MAP1B: variants seen among roughly 807,000 people sequenced by gnomAD.
The protein encoded by MAP1B is microtubule-associated protein 1B.
In MAP1B, 12 loss-of-function variants were observed where a neutral mutation model predicts 176.1. The observed-to-expected ratio is 0.07, with a 90% CI of 0.04 to 0.11. The LOEUF is 0.11. MAP1B is among the 10% of genes least tolerant of loss of function. MAP1B has a pLI of 1.00. For synonymous variants in MAP1B, 1,044 were observed against 1,135.0 expected (o/e 0.92, Z 1.61); for missense variants, 2,523 against 2,990.5 (o/e 0.84, Z 3.65).
chr5:72,164,266 T>C (rs1349072005), intron 2 of MAP1B, among the ~76,000 whole-genome samples: 2 of 152,128 alleles, frequency 1.3e-5, no homozygotes, highest in Admixed American at 6.6e-5. Context: ...CATCATTTCA[T>C]CCCAGAGACC....
chr5:72,154,002 T>C (rs1279394739), intron 2 of MAP1B, among the ~76,000 whole-genome samples: 3 of 152,202 alleles, frequency 2.0e-5, no homozygotes, highest in Non-Finnish European at 2.9e-5. Context: ...GAGGCAGTTC[T>C]TCATTAAAAT....
Position 72,199,400 on chromosome 5 carries a change from C to T in MAP1B, c.6045C>T (p.Thr2015=), listed in dbSNP as rs1249930794. The change falls in exon 5 of 7, where the codon ACC becomes ACT. Residue 2015 remains threonine (T), a synonymous_variant. Transcript: ENST00000296755. This position sits in a 1 kb window ranked among gnomAD's most constrained non-coding sequence, Gnocchi z 4.2. ...SYSYETTEKI[T]SFPESEGYSY... ...CTTATGAAACCACTGAGAAAATTACCAGTTTCCCTGAGTCTGAAGGTTATT... is the reference window on the plus strand; with the variant it reads ...CTTATGAAACCACTGAGAAAATTACTAGTTTCCCTGAGTCTGAAGGTTATT... 2 of 1,614,150 alleles carry T rather than the reference C, an allele frequency of 1.2e-6. No homozygotes were observed. The highest frequency in any genetic ancestry group is 1.7e-6 in the Non-Finnish European group (2 of 1,180,028).
intron 2 of MAP1B, among the ~76,000 whole-genome samples, chr5:72,150,442 T>G (rs1746120598): frequency 6.6e-6 from 1 of 152,248 alleles, no homozygotes; most frequent in African/African-American, 2.4e-5. Context: ...AGGGATAACT[T>G]AAGCCCAGAG....
chr5:72,128,983 T>C (rs1745677015), intron 2 of MAP1B, among the ~76,000 whole-genome samples: 1 of 152,134 alleles, frequency 6.6e-6, no homozygotes, highest in Admixed American at 6.5e-5. Flanking sequence ...GACAATTGCC[T>C]TCTCTGTTGC....
At chr5:72,144,455 G>A (rs1206781244) in intron 2 of MAP1B, among the ~76,000 whole-genome samples, 1 of 152,082 alleles carries the variant, frequency 6.6e-6, no homozygotes, top group East Asian at 1.9e-4. Flanking sequence ...GTGCAGGGAT[G>A]CGATCATGGC....
rs79803399 is a variant in MAP1B, at chr5:72,116,309, A to G, written c.286+510A>G. On this transcript the variant is annotated intron_variant, in intron 2 of 6. Transcript: ENST00000296755. ...TACTGCATTTCAAAATGAAATATACATCATCATTTCATAATTGCATTATCA... is the reference window on the plus strand; with the variant it reads ...TACTGCATTTCAAAATGAAATATACGTCATCATTTCATAATTGCATTATCA... The G allele has an allele frequency of 6.1e-3, 1,859 of 304,946 alleles. 32 individuals are homozygous for G. The highest frequency in any genetic ancestry group is 0.038 in the African/African-American group (1,703 of 44,462). 18.9% of individuals were successfully genotyped at this position (304,946 alleles called of 1,614,324 possible). A position where few individuals can be genotyped will look rare whatever the true frequency, so the allele number is the denominator to read the frequency against.
At chr5:72,137,691 G>C (rs1745861322) in intron 2 of MAP1B, among the ~76,000 whole-genome samples, 1 of 152,182 alleles carries the variant, frequency 6.6e-6, no homozygotes, top group South Asian at 2.1e-4. Context: ...CCTATGCCCA[G>C]AATTGACAAC....
At chr5:72,108,296 C>G (rs530121612) in intron 1 of MAP1B, among the ~76,000 whole-genome samples, 5 of 152,386 alleles carry the variant, frequency 3.3e-5, no homozygotes, top group East Asian at 1.9e-4. Context: ...CCCCGCCCCC[C>G]CCTCCCCGGG....
At chr5:72,153,120 C>T (rs1276274536) in intron 2 of MAP1B, among the ~76,000 whole-genome samples, 1 of 152,206 alleles carries the variant, frequency 6.6e-6, no homozygotes, top group Non-Finnish European at 1.5e-5. Context: ...TTTGCCGAGC[C>T]ACCTCGTGTT....
chr5:72,152,809 T>C (rs1746166111), intron 2 of MAP1B, among the ~76,000 whole-genome samples: 1 of 152,156 alleles, frequency 6.6e-6, no homozygotes, highest in African/African-American at 2.4e-5. Context: ...AGAAGTACTG[T>C]TGTGAGTGAG....
rs1035602401 is a variant in MAP1B at position 72,197,249 on chromosome 5, T to G, written c.3894T>G (p.Ser1298=). 1.9e-6 allele frequency: 3 copies of G among 1,614,200 alleles called. No homozygotes were observed. In the Admixed American group the frequency reaches 5.0e-5, roughly 27 times the overall value. Residue 1298 remains serine (S), a synonymous_variant, in exon 5 of 7, where the codon TCT becomes TCG. Coordinates refer to ENST00000296755, the MANE Select transcript of MAP1B (RefSeq NM_005909.5). ...CAGAGGCAGAAGTAGCCCCGGTGTC[T>G]CCTGAGGTGACCCAAGAAGTAGTTG... is the stretch of plus-strand genomic sequence containing the variant. ...VSAEAEVAPV[S]PEVTQEVVEE... is the part of the protein sequence containing the mutation.
chr5:72,164,514 T>C (rs1164003675), intron 2 of MAP1B, among the ~76,000 whole-genome samples: 3 of 152,202 alleles, frequency 2.0e-5, no homozygotes, highest in Non-Finnish European at 1.5e-5. Flanking sequence ...GATGATGGGC[T>C]GGATGGGAAC....
intron 1 of MAP1B, among the ~76,000 whole-genome samples, chr5:72,107,923 A>G (rs1210571998): frequency 6.6e-6 from 1 of 152,104 alleles, no homozygotes; most frequent in Non-Finnish European, 1.5e-5. Flanking sequence ...GTCTCCAATA[A>G]CCTTGAGGGA....
chr5:72,184,825 TAATTCAAGGACCATAA>T (rs1374485579), intron 3 of MAP1B, among the ~76,000 whole-genome samples: 2 of 152,216 alleles, frequency 1.3e-5, no homozygotes, highest in Non-Finnish European at 2.9e-5. Flanking sequence ...AATGGAGATA[TAATTCAAGGACCATAA>T]AATTCATCCC....
chr5:72,122,313 C>T (rs767810614), intron 2 of MAP1B, among the ~76,000 whole-genome samples: 3 of 151,998 alleles, frequency 2.0e-5, no homozygotes, highest in African/African-American at 4.8e-5. Flanking sequence ...GAGACTTTGC[C>T]GCCCAAGCAG....
intron 2 of MAP1B, among the ~76,000 whole-genome samples, chr5:72,158,126 A>C (rs1439944570): frequency 6.7e-6 from 1 of 150,372 alleles, no homozygotes; most frequent in Non-Finnish European, 1.5e-5. Flanking sequence ...CTCCTGCCTC[A>C]GCCTCCCGAG....
chr5:72,166,401 G>T (rs1235213562), intron 2 of MAP1B, among the ~76,000 whole-genome samples: 1 of 152,110 alleles, frequency 6.6e-6, no homozygotes, highest in Non-Finnish European at 1.5e-5. Context: ...CCCGGTACAC[G>T]ATGGGCATCT....
chr5:72,156,753 C>T lies in MAP1B; in HGVS notation c.287-26990C>T, dbSNP rs207466123. Among the ~76,000 whole-genome samples the T allele has an allele frequency of 4.6e-5, 7 of 152,242 alleles. No homozygotes were observed. In the South Asian group the frequency reaches 6.2e-4, roughly 14 times the overall value. ...TTCTTCTGGTTCCAGCTTCTGTTGC[C>T]GTGCACAATATGGGAAGCAGTGTTT... On this transcript the variant is annotated intron_variant, in intron 2 of 6. Coordinates refer to ENST00000296755, the MANE Select transcript of MAP1B (RefSeq NM_005909.5).
In MAP1B at chr5:72,129,384, T is replaced by C. The variant is rs373727858; in HGVS notation, c.286+13585T>C. 7.5e-4 allele frequency among the ~76,000 whole-genome samples: 114 copies of C among 152,146 alleles called. 4 individuals are homozygous for C. The South Asian group carries it at 0.023, about 31-fold the overall frequency. On this transcript the variant is annotated intron_variant, in intron 2 of 6. Transcript: ENST00000296755. ...CAGCCTGGCCAACATGGCGAAACCC[T>C]GTCTCTACTAAAAATAGAAAAAATT...
Sources: allele counts gnomAD v4.1 joint callset (sites outside exome capture counted in the v4.1 genomes callset), GRCh38; gene constraint gnomAD v4.1.1; non-coding constraint Gnocchi (gnomAD v3.1); transcripts MANE v1.5; gene names NCBI Gene and HGNC (gene_info 2026-07-23, HGNC 2026-07-21).